SLC37A1: variants seen among roughly 807,000 people sequenced by gnomAD.
The protein encoded by SLC37A1 is solute carrier family 37 member 1.
Under a neutral mutation model 75.3 loss-of-function variants are expected in SLC37A1, and 49 were observed. The observed-to-expected ratio is 0.65, with a 90% CI of 0.52 to 0.83. The LOEUF is 0.83. Ranked by LOEUF, SLC37A1 falls within the 40% of genes least tolerant of loss-of-function variation. The pLI, the probability that SLC37A1 is intolerant of heterozygous loss-of-function variation, is 0.00. For missense variants in SLC37A1, 566 were observed against 695.0 expected (o/e 0.81, Z 2.09); for synonymous variants, 268 against 292.1 (o/e 0.92, Z 0.84).
At chr21:42,527,437 C>G (rs929243633) in intron 3 of SLC37A1, among the ~76,000 whole-genome samples, 2 of 152,176 alleles carry the variant, frequency 1.3e-5, no homozygotes, top group African/African-American at 2.4e-5. Flanking sequence ...CCAGGCCACT[C>G]AAGACTTAGG....
chr21:42,568,099 G>A (rs2056026405), intron 16 of SLC37A1, among the ~76,000 whole-genome samples: 1 of 152,260 alleles, frequency 6.6e-6, no homozygotes, highest in African/African-American at 2.4e-5. Context: ...GAGCAGGACT[G>A]TGCGGAACAA....
chr21:42,546,436 C>T (rs1261816013), intron 8 of SLC37A1, among the ~76,000 whole-genome samples: 1 of 152,252 alleles, frequency 6.6e-6, no homozygotes, highest in Non-Finnish European at 1.5e-5. Context: ...CTTCCAGCCT[C>T]GCTCCCCTGA....
intron 11 of SLC37A1, among the ~76,000 whole-genome samples, chr21:42,559,496 G>A (rs1253118896): frequency 1.3e-5 from 2 of 152,230 alleles, no homozygotes; most frequent in Non-Finnish European, 2.9e-5. Flanking sequence ...CCCTCCCACA[G>A]GCCTTGAGCG....
Position 42,547,144 on chromosome 21 carries a change from A to G in SLC37A1, c.768+4A>G, listed in dbSNP as rs1393878846. On this transcript the variant is annotated splice_donor_region_variant and intron_variant, in intron 9 of 19. Transcript: ENST00000352133. This position sits in a 1 kb window ranked among gnomAD's most constrained non-coding sequence, Gnocchi z 6.1. ...GTGCTCCTCCACCCTGGTGACGGTA[A>G]GGACCCTGTTTTCTTGTCCTTTTCT... 6.2e-7 allele frequency: 1 copy of G among 1,614,146 alleles called. No individual in the cohort carries two copies. The highest frequency in any genetic ancestry group is 1.1e-5 in the South Asian group (1 of 91,078).
At chr21:42,524,682 T>C (rs935270544) in intron 2 of SLC37A1, among the ~76,000 whole-genome samples, 1 of 152,280 alleles carries the variant, frequency 6.6e-6, no homozygotes, top group African/African-American at 2.4e-5. Context: ...TTCTGCTTTG[T>C]AAACTCAAGT....
rs375571396 is a variant in SLC37A1, at chr21:42,553,093, G to A, written c.769-969G>A. Among the ~76,000 whole-genome samples, 55 of 152,334 alleles carry A rather than the reference G, an allele frequency of 3.6e-4. No homozygotes were observed. In the East Asian group the frequency reaches 9.6e-3, roughly 27 times the overall value. ...AAGGGTGGGATCCAACTGTCCATCT[G>A]AACGGAGTTTAACCCATGCTCTGTC... On this transcript the variant is annotated intron_variant, in intron 9 of 19. Coordinates refer to ENST00000352133, the MANE Select transcript of SLC37A1 (RefSeq NM_001320537.2).
rs765335359 is a variant in SLC37A1, at chr21:42,543,541, C to T, written c.669C>T (p.Phe223=). The T allele has an allele frequency of 1.4e-5, 22 of 1,613,686 alleles. No individual in the cohort carries two copies. The highest frequency in any genetic ancestry group is 1.3e-4 in the Admixed American group (8 of 59,958). Residue 223 remains phenylalanine, a synonymous_variant, in exon 8 of 20, where the codon TTC becomes TTT. Transcript: ENST00000352133. ...TGTCCACATGCTGGGGCCTGTCCTT[C>T]GTCGTGCCTGGAGCCATCGTGGCAG... ...YWVSTCWGLS[F]VVPGAIVAAM...
chr21:42,554,584 G>C (rs761159247), intron 10 of SLC37A1, among the ~76,000 whole-genome samples: 1 of 152,220 alleles, frequency 6.6e-6, no homozygotes, highest in African/African-American at 2.4e-5. Context: ...AGCACAGAGG[G>C]TGTCAGGGTG....
intron 1 of SLC37A1, among the ~76,000 whole-genome samples, chr21:42,517,089 G>A (rs559324960): frequency 1.3e-5 from 2 of 152,168 alleles, no homozygotes; most frequent in East Asian, 1.9e-4. Flanking sequence ...CTGCAGTCCC[G>A]GGCCTTCCTC....
rs906900120 is a variant in SLC37A1 at position 42,552,154 on chromosome 21, C to T, written c.769-1908C>T. On this transcript the variant is annotated intron_variant, in intron 9 of 19. Coordinates refer to ENST00000352133, the MANE Select transcript of SLC37A1 (RefSeq NM_001320537.2). The surrounding 1 kb of genome is among the most constrained non-coding windows in gnomAD (Gnocchi z 4.2). ...GCTTCTGCCCTGTGCTATTGAAGAG[C>T]CATGGGAACTTGTTCTTTTGATTTG... 3.9e-5 allele frequency among the ~76,000 whole-genome samples: 6 copies of T among 152,110 alleles called. No homozygotes were observed. Among genetic ancestry groups the T allele is most frequent in the Admixed American group, 2.6e-4 (4 of 15,276 alleles).
intron 2 of SLC37A1, among the ~76,000 whole-genome samples, chr21:42,507,400 C>T (rs1021467499): frequency 3.9e-5 from 6 of 152,132 alleles, no homozygotes; most frequent in African/African-American, 1.4e-4. Flanking sequence ...GCTGCCTAAA[C>T]TGTCAGCCTG....
At chr21:42,505,233 A>G (rs1335757682) in intron 2 of SLC37A1, among the ~76,000 whole-genome samples, 4 of 152,152 alleles carry the variant, frequency 2.6e-5, no homozygotes, top group Non-Finnish European at 5.9e-5. Context: ...TGTGGCCACT[A>G]AGTCCCTCCC....
intron 18 of SLC37A1, chr21:42,575,414 G>T: frequency 1.0e-6 from 1 of 985,472 alleles, no homozygotes; most frequent in Non-Finnish European, 1.2e-6. Flanking sequence ...TGAAGGGATG[G>T]GAGAGAATAA....
intron 5 of SLC37A1, among the ~76,000 whole-genome samples, chr21:42,537,787 A>T (rs2055177688): frequency 6.6e-6 from 1 of 151,580 alleles, no homozygotes; most frequent in Non-Finnish European, 1.5e-5. Context: ...ATTTGGTCTA[A>T]TGTGACATCT....
intron 1 of SLC37A1, among the ~76,000 whole-genome samples, chr21:42,501,998 G>C (rs1478955460): frequency 6.6e-6 from 1 of 152,106 alleles, no homozygotes; most frequent in Admixed American, 6.5e-5. Flanking sequence ...CCAGAATAAG[G>C]CTCCCCCTAC....
chr21:42,530,656 C>CACACACACACACACA lies in SLC37A1; in HGVS notation c.139-4042_139-4041insACACACACACACACA, dbSNP rs1568997149. On this transcript the variant is annotated intron_variant, in intron 3 of 19. Coordinates refer to ENST00000352133, the MANE Select transcript of SLC37A1 (RefSeq NM_001320537.2). ...CACACACACACACACACACACACAC[C>CACACACACACACACA]CCCTCTGTGTTGGCTGAAGGTGGAG... is the stretch of plus-strand genomic sequence containing the variant. 1.9e-3 allele frequency among the ~76,000 whole-genome samples: 44 copies of CACACACACACACACA among 23,490 alleles called. 1 individual carries two copies. Among genetic ancestry groups the CACACACACACACACA allele is most frequent in the African/African-American group, 4.3e-3 (30 of 7,030 alleles). 15.4% of individuals were successfully genotyped at this position (23,490 alleles called of 152,430 possible).
chr21:42,580,605 AC>A lies in SLC37A1; in HGVS notation c.*248del. Reference sequence around the variant, plus strand: ...CCTGAGCCAAGCCAGAGAACCGAAGACCCGGCCGGCCCTGGCCTCACAGGCG... The same window carrying A: ...CCTGAGCCAAGCCAGAGAACCGAAGACCGGCCGGCCCTGGCCTCACAGGCG... On this transcript the variant is annotated 3_prime_UTR_variant, in exon 20 of 20. Coordinates refer to ENST00000352133, the MANE Select transcript of SLC37A1 (RefSeq NM_001320537.2). 3.3e-6 allele frequency: 1 copy of A among 300,294 alleles called. No homozygotes were observed. The highest frequency in any genetic ancestry group is 6.2e-6 in the Non-Finnish European group (1 of 160,570). The allele number at this position is 300,294 out of a possible 1,614,324, so 18.6% of individuals were successfully genotyped here.
At chr21:42,519,755 A>G (rs2054600581) in intron 2 of SLC37A1, among the ~76,000 whole-genome samples, 1 of 152,088 alleles carries the variant, frequency 6.6e-6, no homozygotes, top group South Asian at 2.1e-4. Context: ...GACTTATTTC[A>G]TGTCTGCTGT....
At chr21:42,518,611 A>G in intron 2 of SLC37A1, 101 bp downstream of exon 2, 1 of 1,324,020 alleles carries the variant, frequency 7.6e-7, no homozygotes. Flanking sequence ...AAACACATAA[A>G]ACTTGAATCA....
Sources: gnomAD v4.1 joint callset for allele counts (sites outside exome capture counted in the v4.1 genomes callset) on GRCh38, gnomAD v4.1.1 for gene constraint, Gnocchi (gnomAD v3.1) non-coding constraint, MANE v1.5 for transcripts, NCBI Gene and HGNC (gene_info 2026-07-23, HGNC 2026-07-21) for gene names.